Variants in ABCB4 observed in about 807,000 individuals in gnomAD.
The protein encoded by ABCB4 is ATP binding cassette subfamily B member 4, also known as phosphatidylcholine translocator ABCB4.
ABCB4 carries 76 observed loss-of-function variants against 145.7 expected under a neutral mutation model. The observed-to-expected ratio is 0.52, with a 90% confidence interval of 0.43 to 0.63. The LOEUF (loss-of-function observed/expected upper bound fraction) is 0.63. ABCB4 is among the 30% of genes least tolerant of loss of function. ABCB4 has a pLI of 0.00. For synonymous variants in ABCB4, 517 were observed against 566.8 expected (o/e 0.91, Z 1.25); for missense variants, 1,234 against 1,553.1 (o/e 0.79, Z 3.45).
the ABCB4 span, among the ~76,000 whole-genome samples, chr7:87,384,626 A>G: frequency 2.0e-5 from 3 of 152,276 alleles, no homozygotes; most frequent in East Asian, 3.9e-4. Flanking sequence ...CTGATTATTA[A>G]TTTCTTGGGA....
intron 7 of ABCB4, among the ~76,000 whole-genome samples, chr7:87,450,501 C>T (rs1811644713): frequency 7.3e-6 from 1 of 137,026 alleles, no homozygotes; most frequent in Non-Finnish European, 1.5e-5. Context: ...GACGGGGTCT[C>T]ACTCTGTTGC....
At chr7:87,368,198 A>G in the ABCB4 span, among the ~76,000 whole-genome samples, 2 of 152,242 alleles carry the variant, frequency 1.3e-5, no homozygotes, top group Admixed American at 1.3e-4. Context: ...GGGTATTTAC[A>G]TGGCGTACTT....
chr7:87,374,587 T>A, the ABCB4 span, among the ~76,000 whole-genome samples: 91 of 152,140 alleles, frequency 6.0e-4, no homozygotes, highest in African/African-American at 2.1e-3. Context: ...CTAAAGAAAG[T>A]AAGCAGGAAG....
intron 6 of ABCB4, 123 bp downstream of exon 6, chr7:87,452,821 T>C (rs953772370): frequency 2.6e-6 from 3 of 1,148,208 alleles, no homozygotes; most frequent in Admixed American, 2.0e-5. Flanking sequence ...TGCCAGATGA[T>C]CGATTTCTAA....
At chr7:87,428,608 C>T (rs989166557) in intron 15 of ABCB4, among the ~76,000 whole-genome samples, 4 of 152,048 alleles carry the variant, frequency 2.6e-5, no homozygotes, top group African/African-American at 7.2e-5. Context: ...CTCCAATACA[C>T]GCAAGAGAAG....
chr7:87,459,564 C>T (rs1367091378), intron 4 of ABCB4, among the ~76,000 whole-genome samples: 3 of 151,450 alleles, frequency 2.0e-5, no homozygotes, highest in Admixed American at 6.6e-5. Context: ...TTTTTTTAAC[C>T]CTGTGTAGAA....
the ABCB4 span, chr7:87,375,763 A>G: frequency 6.2e-7 from 1 of 1,612,242 alleles, no homozygotes; most frequent in Non-Finnish European, 8.5e-7. Context: ...GCTTTTCTCT[A>G]ACAAACTCTT....
the ABCB4 span, among the ~76,000 whole-genome samples, chr7:87,367,847 T>C: frequency 0.92 from 140,066 of 152,226 alleles, 64,628 homozygotes; most frequent in African/African-American, 0.97. Flanking sequence ...GCCATCATCC[T>C]ATCTCTCTTA....
the ABCB4 span, chr7:87,382,198 T>C: frequency 4.5e-6 from 7 of 1,568,082 alleles, no homozygotes; most frequent in Middle Eastern, 1.7e-4. Context: ...TTTTCACTTT[T>C]CTCTTAAATA....
intron 3 of ABCB4, among the ~76,000 whole-genome samples, chr7:87,471,676 A>G (rs998800327): frequency 1.3e-5 from 2 of 152,244 alleles, no homozygotes; most frequent in African/African-American, 4.8e-5. Flanking sequence ...TGGCTGTCAC[A>G]GTTTGAAACA....
At chr7:87,383,758 A>G in the ABCB4 span, among the ~76,000 whole-genome samples, 1 of 152,062 alleles carries the variant, frequency 6.6e-6, no homozygotes, top group African/African-American at 2.4e-5. Flanking sequence ...TGGCCTCCCA[A>G]AGTGCTGGGA....
intron 21 of ABCB4, among the ~76,000 whole-genome samples, chr7:87,416,244 A>G (rs193057388): frequency 1.3e-5 from 2 of 152,336 alleles, no homozygotes; most frequent in African/African-American, 4.8e-5. Context: ...CACCAGACAT[A>G]ATTGGTTTAG....
chr7:87,413,749 G>A, intron 21 of ABCB4, 32 bp from the exon 22 acceptor site: 1 of 1,416,326 alleles, frequency 7.1e-7, no homozygotes, highest in African/African-American at 1.4e-5. Flanking sequence ...CATTAGAAGT[G>A]GTGTTTTCAC....
chr7:87,370,930 T>A, the ABCB4 span, among the ~76,000 whole-genome samples: 1 of 152,208 alleles, frequency 6.6e-6, no homozygotes. Flanking sequence ...TGTCTACTAG[T>A]GTGTGAATGT....
chr7:87,431,494 A>G lies in ABCB4; in HGVS notation c.1803T>C (p.Ala601=). 1 of 1,614,120 alleles carries G rather than the reference A, an allele frequency of 6.2e-7. No homozygotes were observed. The highest frequency in any genetic ancestry group is 8.5e-7 in the Non-Finnish European group (1 of 1,180,014). ...LSTVRNADVI[A]GFEDGVIVEQ... is the part of the protein sequence containing the mutation. Reference sequence around the variant, plus strand: ...CCACAATTACTCCATCCTCAAACCCAGCGATGACATCTGCATTTCGGACCG... The same window carrying G: ...CCACAATTACTCCATCCTCAAACCCGGCGATGACATCTGCATTTCGGACCG... Residue 601 remains alanine (A), a synonymous_variant, in exon 15 of 28, where the codon GCT becomes GCC. Transcript: ENST00000649586.
chr7:87,437,072 G>A lies in ABCB4; in HGVS notation c.1731+2595C>T, dbSNP rs1430104022. ...AGAAATGTAAATAATTGTGACAGAG[G>A]GCATGCTTTAGAAGATTCAATATGG... On this transcript the variant is annotated intron_variant, in intron 14 of 27. Transcript: ENST00000649586. Among the ~76,000 whole-genome samples, 4 of 152,224 alleles carry A rather than the reference G, an allele frequency of 2.6e-5. No individual in the cohort carries two copies. In the South Asian group the frequency reaches 6.2e-4, roughly 24 times the overall value.
chr7:87,475,544 G>A (rs1020289112), intron 1 of ABCB4, 73 bp from the exon 2 acceptor site: 31 of 1,487,650 alleles, frequency 2.1e-5, no homozygotes, highest in Non-Finnish European at 2.6e-5. Flanking sequence ...GCGGGGCCCG[G>A]GGGCACTGGG....
chr7:87,392,298 T>C, the ABCB4 span, among the ~76,000 whole-genome samples: 1 of 152,192 alleles, frequency 6.6e-6, no homozygotes, highest in Non-Finnish European at 1.5e-5. Context: ...TATCGGTTGC[T>C]TTTATCTTTA....
the ABCB4 span, among the ~76,000 whole-genome samples, chr7:87,376,510 T>C: frequency 1.3e-5 from 2 of 152,092 alleles, no homozygotes; most frequent in African/African-American, 4.8e-5. Context: ...TAATAAAAGA[T>C]AGTAATTGTA....
Sources: gnomAD v4.1 joint callset for allele counts (sites outside exome capture counted in the v4.1 genomes callset) on GRCh38, gnomAD v4.1.1 for gene constraint, MANE v1.5 for transcripts, NCBI Gene and HGNC (gene_info 2026-07-23, HGNC 2026-07-21) for gene names.